ELMO1: variants seen among roughly 807,000 people sequenced by gnomAD.
ELMO1 encodes engulfment and cell motility protein 1.
In ELMO1, 26 loss-of-function variants were observed where a neutral mutation model predicts 98.9. The ratio of observed to expected loss-of-function variants is 0.26; its 90% CI spans 0.19 to 0.36. The LOEUF (loss-of-function observed/expected upper bound fraction) is 0.36, where lower values mean the gene tolerates loss of function less well. Ranked by LOEUF, ELMO1 falls within the 10% of genes least tolerant of loss-of-function variation. The pLI is 1.00. For missense variants in ELMO1, 627 were observed against 935.2 expected (o/e 0.67, Z 4.30); for synonymous variants, 346 against 346.0 (o/e 1.00, Z 0.00).
chr7:36,884,903 T>A (rs1291685222), intron 18 of ELMO1, among the ~76,000 whole-genome samples: 1 of 152,168 alleles, frequency 6.6e-6, no homozygotes, highest in Non-Finnish European at 1.5e-5. Flanking sequence ...GCACTGGGAG[T>A]GTCTGCTCTT....
chr7:37,106,118 A>G (rs577837124), intron 14 of ELMO1, among the ~76,000 whole-genome samples: 1 of 152,258 alleles, frequency 6.6e-6, no homozygotes, highest in South Asian at 2.1e-4. Context: ...TTTGGTCCTC[A>G]CAAGCCATTG....
At chr7:37,095,362 C>T (rs1784317739) in intron 15 of ELMO1, among the ~76,000 whole-genome samples, 1 of 152,190 alleles carries the variant, frequency 6.6e-6, no homozygotes, top group African/African-American at 2.4e-5. Flanking sequence ...GTAAGCAATA[C>T]TGCACACTGA....
At position 37,036,684 on chromosome 7, in the gene ELMO1, T is replaced by C. The variant is rs577880986; in HGVS notation, c.1301-23249A>G. Among the ~76,000 whole-genome samples the C allele has an allele frequency of 1.1e-4, 17 of 152,116 alleles. No homozygotes were observed. In the South Asian group the frequency reaches 3.5e-3, roughly 32 times the overall value. The stretch of plus-strand genomic sequence containing the variant: ...ATGAGCCACCATGCCCGGCCTAGGA[T>C]TGTTATAGGAGGTTACTTCCAGGAA... On this transcript the variant is annotated intron_variant, in intron 15 of 21. Transcript: ENST00000310758.
At chr7:36,996,057 T>C (rs1021251218) in intron 16 of ELMO1, among the ~76,000 whole-genome samples, 1 of 152,176 alleles carries the variant, frequency 6.6e-6, no homozygotes, top group Non-Finnish European at 1.5e-5. Context: ...CATTCCAGCA[T>C]GAAAAATCAA....
chr7:36,983,603 A>G (rs1562876381), intron 16 of ELMO1, among the ~76,000 whole-genome samples: 1 of 152,216 alleles, frequency 6.6e-6, no homozygotes, highest in Non-Finnish European at 1.5e-5. Context: ...CATCTAAAAC[A>G]GGCAAAAAAA....
chr7:37,097,007 C>T (rs1200885722), intron 14 of ELMO1, among the ~76,000 whole-genome samples: 1 of 152,164 alleles, frequency 6.6e-6, no homozygotes, highest in African/African-American at 2.4e-5. Context: ...TGGAATAGTA[C>T]AATAAAGACT....
intron 16 of ELMO1, among the ~76,000 whole-genome samples, chr7:36,910,877 A>G (rs928583536): frequency 5.9e-5 from 9 of 152,108 alleles, no homozygotes; most frequent in Admixed American, 2.0e-4. Context: ...CTCCTGTGTA[A>G]CCTTCAGCAC....
chr7:37,258,724 G>A (rs1419560293), intron 6 of ELMO1, among the ~76,000 whole-genome samples: 1 of 152,016 alleles, frequency 6.6e-6, no homozygotes, highest in East Asian at 1.9e-4. Flanking sequence ...TCTTGACCTG[G>A]TTTTATACTT....
At chr7:37,156,861 C>CA (rs1563041859) in intron 13 of ELMO1, among the ~76,000 whole-genome samples, 2 of 151,872 alleles carry the variant, frequency 1.3e-5, no homozygotes, top group Admixed American at 6.6e-5. Context: ...GGAGACAAAA[C>CA]AAAAAAAGAG....
chr7:37,248,129 T>C (rs1795114774), intron 6 of ELMO1, among the ~76,000 whole-genome samples: 1 of 150,322 alleles, frequency 6.7e-6, no homozygotes, highest in Admixed American at 6.6e-5. Context: ...TGGCTTCAGA[T>C]TATGCATAAG....
At chr7:37,368,939 T>C (rs917127745) in intron 1 of ELMO1, among the ~76,000 whole-genome samples, 2 of 152,216 alleles carry the variant, frequency 1.3e-5, no homozygotes, top group Admixed American at 6.5e-5. Flanking sequence ...TCCTTTTCAT[T>C]GGCCTTTTGT....
At chr7:37,107,381 T>G (rs1344318198) in intron 14 of ELMO1, among the ~76,000 whole-genome samples, 2 of 152,218 alleles carry the variant, frequency 1.3e-5, no homozygotes, top group Non-Finnish European at 2.9e-5. Context: ...AAGAAACTGA[T>G]GTCAAACTCT....
intron 13 of ELMO1, among the ~76,000 whole-genome samples, chr7:37,168,901 G>GT: frequency 6.6e-6 from 1 of 152,300 alleles, no homozygotes; most frequent in Middle Eastern, 3.4e-3. Flanking sequence ...GTCTGCAGAG[G>GT]TTACCGCTGT....
At chr7:37,198,050 G>A (rs1014127311) in intron 13 of ELMO1, among the ~76,000 whole-genome samples, 1 of 152,194 alleles carries the variant, frequency 6.6e-6, no homozygotes, top group Non-Finnish European at 1.5e-5. Context: ...ATCTGCACAA[G>A]AGCAGGCAGC....
chr7:36,979,805 C>G (rs1790892045), intron 16 of ELMO1, among the ~76,000 whole-genome samples: 2 of 152,212 alleles, frequency 1.3e-5, no homozygotes, highest in Admixed American at 1.3e-4. Context: ...CTAGATGACT[C>G]TAGTTAGAAC....
In ELMO1 at chr7:37,358,443, G is replaced by GA. The variant is rs530638929; in HGVS notation, c.-73-15681dup. ...TAGCTAGACTGATGAAGGCAATTGT[G>GA]AAAAAAATTAGAGAAGGCCATCTTG... is the stretch of plus-strand genomic sequence containing the variant. On this transcript the variant is annotated intron_variant, in intron 1 of 21. Transcript: ENST00000310758. Among the ~76,000 whole-genome samples the GA allele has an allele frequency of 2.3e-3, 354 of 152,192 alleles. 3 individuals carry two copies. The highest frequency in any genetic ancestry group is 0.014 in the South Asian group (68 of 4,814).
chr7:37,324,010 C>T (rs1308308111), intron 2 of ELMO1, among the ~76,000 whole-genome samples: 1 of 152,184 alleles, frequency 6.6e-6, no homozygotes, highest in Non-Finnish European at 1.5e-5. Context: ...ACCCAGCCAC[C>T]AGGGGAGTCC....
intron 6 of ELMO1, among the ~76,000 whole-genome samples, chr7:37,249,386 T>C (rs1208691003): frequency 6.6e-6 from 1 of 152,212 alleles, no homozygotes; most frequent in East Asian, 1.9e-4. Context: ...ACACTTAATG[T>C]TTCTTTTTAA....
intron 1 of ELMO1, chr7:37,343,144 T>G (rs1389878405): frequency 6.3e-6 from 1 of 158,086 alleles, no homozygotes; most frequent in African/African-American, 2.4e-5. Flanking sequence ...CACTCAACAG[T>G]CTGAGGAAGG....
Sources: allele counts gnomAD v4.1 joint callset (sites outside exome capture counted in the v4.1 genomes callset), GRCh38; gene constraint gnomAD v4.1.1; transcripts MANE v1.5; gene names NCBI Gene and HGNC (gene_info 2026-07-23, HGNC 2026-07-21).